Variants in ZNF407 observed in about 807,000 individuals in gnomAD.
The protein encoded by ZNF407 is zinc finger protein 407.
ZNF407 carries 17 observed loss-of-function variants against 131.2 expected under a neutral mutation model. The ratio of observed to expected loss-of-function variants is 0.13; its 90% confidence interval spans 0.09 to 0.19. ZNF407 has a LOEUF of 0.19. Ranked by LOEUF, ZNF407 falls within the 10% of genes least tolerant of loss-of-function variation. ZNF407 has a pLI of 1.00. For synonymous variants in ZNF407, 1,156 were observed against 1,062.0 expected (o/e 1.09, Z -1.72); for missense variants, 2,681 against 2,830.6 (o/e 0.95, Z 1.20).
chr18:74,597,972 A>T (rs1447677656), intron 1 of ZNF407, 35 bp downstream of exon 1: 2 of 149,770 alleles, frequency 1.3e-5, no homozygotes, highest in Admixed American at 1.3e-4. Flanking sequence ...GGGGGTTTGG[A>T]GGCGGGGACC....
intron 8 of ZNF407, among the ~76,000 whole-genome samples, chr18:74,978,833 G>GCTT (rs1253333194): frequency 1.3e-5 from 2 of 152,174 alleles, no homozygotes; most frequent in African/African-American, 4.8e-5. Flanking sequence ...GAAGGAAGTA[G>GCTT]CTTCAGCCCG....
At chr18:74,808,047 C>T (rs549843841) in intron 4 of ZNF407, among the ~76,000 whole-genome samples, 1 of 151,874 alleles carries the variant, frequency 6.6e-6, no homozygotes, top group South Asian at 2.1e-4. Context: ...GAGTTTCACT[C>T]TTGTTGCTCA....
chr18:75,052,942 C>T (rs903815098), intron 8 of ZNF407, among the ~76,000 whole-genome samples: 1 of 152,198 alleles, frequency 6.6e-6, no homozygotes, highest in Admixed American at 6.5e-5. Context: ...AGTGAAAAGG[C>T]GAAATAGTGT....
chr18:74,782,685 G>A (rs1482081492), intron 4 of ZNF407, among the ~76,000 whole-genome samples: 1 of 151,756 alleles, frequency 6.6e-6, no homozygotes, highest in Admixed American at 6.6e-5. Flanking sequence ...AGTGGCATAT[G>A]TTAGCTCACT....
intron 8 of ZNF407, among the ~76,000 whole-genome samples, chr18:74,955,533 T>C (rs1208563083): frequency 6.6e-6 from 1 of 152,214 alleles, no homozygotes; most frequent in Admixed American, 6.5e-5. Flanking sequence ...TTTCTAACTT[T>C]GGCACAATCA....
Position 74,657,901 on chromosome 18 carries a change from T to TTTCTTCTTCTTCTTCTTC in ZNF407, c.4802+16796_4802+16813dup, listed in dbSNP as rs58407278. 1.7e-3 allele frequency among the ~76,000 whole-genome samples: 253 copies of TTTCTTCTTCTTCTTCTTC among 147,778 alleles called. 2 individuals carry two copies. The highest frequency in any genetic ancestry group is 6.1e-3 in the African/African-American group (239 of 39,458). ...TCTTGCTCTCTACTTCTCCTTTTCC[T>TTTCTTCTTCTTCTTCTTC]TTCTTCTTCTTCTTCTTCTTCTTCT... On this transcript the variant is annotated intron_variant, in intron 3 of 8. Coordinates refer to ENST00000299687, the MANE Select transcript of ZNF407 (RefSeq NM_017757.3).
At chr18:74,921,549 C>T (rs1971846654) in intron 8 of ZNF407, among the ~76,000 whole-genome samples, 1 of 152,300 alleles carries the variant, frequency 6.6e-6, no homozygotes, top group Admixed American at 6.5e-5. Flanking sequence ...TTAAACCCTG[C>T]TTCTCATTAT....
intron 3 of ZNF407, among the ~76,000 whole-genome samples, chr18:74,747,509 A>G (rs2404157): frequency 0.8 from 122,259 of 151,892 alleles, 52,426 homozygotes; most frequent in East Asian, 0.96. Flanking sequence ...GATTTCACAA[A>G]CTTTAAGTTT....
In ZNF407 at chr18:74,937,795, A is replaced by G. The variant is rs1972055170; in HGVS notation, c.5428+17103A>G. On this transcript the variant is annotated intron_variant, in intron 8 of 8. Transcript: ENST00000299687. ...GATCACCAGGCAGGGGATCAATTAG[A>G]TCAAAGACCAAATTCTGAACATTAA... Among the ~76,000 whole-genome samples, 2 of 152,222 alleles carry G rather than the reference A, an allele frequency of 1.3e-5. 1 individual carries two copies.
At chr18:74,783,039 A>G (rs1297398308) in intron 4 of ZNF407, among the ~76,000 whole-genome samples, 7 of 152,212 alleles carry the variant, frequency 4.6e-5, no homozygotes, top group East Asian at 3.8e-4. Context: ...AATTTGCGAC[A>G]TGTCAAAGTT....
intron 8 of ZNF407, among the ~76,000 whole-genome samples, chr18:75,044,887 C>T (rs1157693836): frequency 6.6e-6 from 1 of 152,150 alleles, no homozygotes; most frequent in Non-Finnish European, 1.5e-5. Context: ...CATCATAGTT[C>T]TTCCAGGTAC....
intron 3 of ZNF407, among the ~76,000 whole-genome samples, chr18:74,661,007 T>C (rs1486891947): frequency 1.3e-5 from 2 of 152,204 alleles, no homozygotes; most frequent in African/African-American, 4.8e-5. Flanking sequence ...AAAGCGGATG[T>C]CATAGAATTC....
intron 8 of ZNF407, among the ~76,000 whole-genome samples, chr18:75,045,061 T>TG (rs924310706): frequency 5.1e-5 from 1 of 19,714 alleles, no homozygotes; most frequent in Non-Finnish European, 9.7e-5. Flanking sequence ...AATCTGGGTG[T>TG]GGGGGGGTGT....
chr18:74,902,630 T>A (rs1018522952), intron 7 of ZNF407, among the ~76,000 whole-genome samples: 1 of 152,196 alleles, frequency 6.6e-6, no homozygotes, highest in Non-Finnish European at 1.5e-5. Flanking sequence ...TCTTCTCTAT[T>A]ACTTTTTCTT....
intron 4 of ZNF407, among the ~76,000 whole-genome samples, chr18:74,851,414 A>G (rs1231767489): frequency 2.6e-5 from 4 of 152,236 alleles, no homozygotes; most frequent in African/African-American, 9.6e-5. Context: ...TCTGAAAATT[A>G]GAGAAATGTC....
At chr18:74,850,415 C>A (rs908960560) in intron 4 of ZNF407, among the ~76,000 whole-genome samples, 1 of 152,126 alleles carries the variant, frequency 6.6e-6, no homozygotes, top group African/African-American at 2.4e-5. Flanking sequence ...CATCTTAATT[C>A]ATACTTCTCT....
At chr18:74,788,636 C>A (rs1969767251) in intron 4 of ZNF407, among the ~76,000 whole-genome samples, 1 of 149,244 alleles carries the variant, frequency 6.7e-6, no homozygotes, top group Admixed American at 6.7e-5. Context: ...AAAACACCAC[C>A]ACAGTTTACT....
chr18:74,823,185 C>A (rs529872435), intron 4 of ZNF407, among the ~76,000 whole-genome samples: 1 of 152,140 alleles, frequency 6.6e-6, no homozygotes, highest in Non-Finnish European at 1.5e-5. Context: ...ACCACCAGGG[C>A]TGCCTTACAA....
intron 8 of ZNF407, among the ~76,000 whole-genome samples, chr18:74,937,069 A>C (rs1193773462): frequency 6.6e-6 from 1 of 152,194 alleles, no homozygotes; most frequent in Non-Finnish European, 1.5e-5. Context: ...CCATGATATA[A>C]GGTTGATAAA....
Sources: allele counts gnomAD v4.1 joint callset (sites outside exome capture counted in the v4.1 genomes callset), GRCh38; gene constraint gnomAD v4.1.1; transcripts MANE v1.5; gene names NCBI Gene and HGNC (gene_info 2026-07-23, HGNC 2026-07-21).